The following PARD3 variants were observed in gnomAD, a reference collection of about 807,000 sequenced individuals.
PARD3 encodes the protein partitioning defective 3 homolog.
PARD3 carries 75 observed loss-of-function variants against 155.4 expected under a neutral mutation model. The ratio of observed to expected loss-of-function variants is 0.48; its 90% confidence interval spans 0.40 to 0.58. The LOEUF (loss-of-function observed/expected upper bound fraction) is 0.58, where lower values mean the gene tolerates loss of function less well. PARD3 is among the 20% of genes least tolerant of loss of function. The probability of loss-of-function intolerance (pLI) is 0.00; values close to 1 mark genes in which losing one functional copy is unlikely to be tolerated. For missense variants in PARD3, 1,642 were observed against 1,721.7 expected, an observed-to-expected ratio of 0.95 and a Z score of 0.82; for synonymous variants, 576 against 610.5, an observed-to-expected ratio of 0.94 and a Z score of 0.83.
chr10:34,409,236 A>G (rs986996884), intron 5 of PARD3, among the ~76,000 whole-genome samples: 1 of 152,212 alleles, frequency 6.6e-6, no homozygotes, highest in African/African-American at 2.4e-5. Flanking sequence ...TATGAAAGCT[A>G]TCTAACCACA....
intron 2 of PARD3, among the ~76,000 whole-genome samples, chr10:34,556,629 G>A (rs1589999213): frequency 6.6e-6 from 1 of 152,194 alleles, no homozygotes; most frequent in Admixed American, 6.5e-5. Flanking sequence ...TGATCCGCCC[G>A]CCTCAGCCTC....
At chr10:34,232,161 T>C (rs1201971762) in intron 22 of PARD3, among the ~76,000 whole-genome samples, 1 of 152,156 alleles carries the variant, frequency 6.6e-6, no homozygotes, top group African/African-American at 2.4e-5. Context: ...ATACCACGTC[T>C]TATAGGTATT....
intron 2 of PARD3, among the ~76,000 whole-genome samples, chr10:34,555,697 A>G (rs1468333235): frequency 2.6e-5 from 4 of 152,196 alleles, no homozygotes; most frequent in Non-Finnish European, 4.4e-5. Flanking sequence ...CTTATAAGGT[A>G]CCAGTTTATC....
chr10:34,795,156 T>C (rs1406410206), intron 1 of PARD3, among the ~76,000 whole-genome samples: 1 of 152,226 alleles, frequency 6.6e-6, no homozygotes, highest in Non-Finnish European at 1.5e-5. Flanking sequence ...TCCGGAAGCC[T>C]CTATGCTGGA....
chr10:34,757,772 G>C (rs1354553448), intron 1 of PARD3, among the ~76,000 whole-genome samples: 1 of 152,092 alleles, frequency 6.6e-6, no homozygotes, highest in Non-Finnish European at 1.5e-5. Context: ...TGCCAACTAG[G>C]ACCATGCCCA....
chr10:34,203,735 A>C (rs2133355079), intron 22 of PARD3, among the ~76,000 whole-genome samples: 1 of 152,356 alleles, frequency 6.6e-6, no homozygotes, highest in South Asian at 2.1e-4. Context: ...CCATCGATGC[A>C]GAACCCATGA....
At chr10:34,315,726 T>G (rs2134119762) in intron 20 of PARD3, among the ~76,000 whole-genome samples, 1 of 152,314 alleles carries the variant, frequency 6.6e-6, no homozygotes, top group Non-Finnish European at 1.5e-5. Flanking sequence ...TTAGAGCAAT[T>G]TCTTCCTATA....
intron 2 of PARD3, among the ~76,000 whole-genome samples, chr10:34,528,706 ATATAGACTT>A (rs1390002340): frequency 6.6e-6 from 1 of 152,220 alleles, no homozygotes; most frequent in African/African-American, 2.4e-5. Flanking sequence ...AAGTTAAGCC[ATATAGACTT>A]TATCCTGAAA....
intron 2 of PARD3, among the ~76,000 whole-genome samples, chr10:34,604,606 GAT>G (rs1044430589): frequency 1.4e-5 from 2 of 147,410 alleles, no homozygotes; most frequent in African/African-American, 4.9e-5. Context: ...TATATATAAA[GAT>G]ATATATGATA....
At chr10:34,713,572 C>G (rs911595306) in intron 1 of PARD3, among the ~76,000 whole-genome samples, 17 of 152,110 alleles carry the variant, frequency 1.1e-4, no homozygotes, top group African/African-American at 4.1e-4. Flanking sequence ...CCAGCCTGGG[C>G]AACACAGCAA....
intron 1 of PARD3, among the ~76,000 whole-genome samples, chr10:34,782,134 G>A (rs1840308404): frequency 6.6e-6 from 1 of 152,080 alleles, no homozygotes; most frequent in Non-Finnish European, 1.5e-5. Context: ...ATCCTAACTG[G>A]CTTCTAGACC....
rs1008185201 is a variant in PARD3 at position 34,452,526 on chromosome 10, C to T, written c.583-2078G>A. Among the ~76,000 whole-genome samples, 3 of 152,172 alleles carry T rather than the reference C, an allele frequency of 2.0e-5. No homozygotes were observed. The East Asian group carries it at 5.8e-4, about 29-fold the overall frequency. ...AGATCTACTTTTGAAATGAAGAGCTCAGGCTCCACACAACTCTCACCTTTT... is the reference window on the plus strand; with the variant it reads ...AGATCTACTTTTGAAATGAAGAGCTTAGGCTCCACACAACTCTCACCTTTT... On this transcript the variant is annotated intron_variant, in intron 4 of 24. Coordinates refer to ENST00000374788, the MANE Select transcript of PARD3 (RefSeq NM_001184785.2).
At chr10:34,563,460 G>A (rs181103625) in intron 2 of PARD3, among the ~76,000 whole-genome samples, 3 of 152,102 alleles carry the variant, frequency 2.0e-5, no homozygotes, top group Middle Eastern at 3.4e-3. Flanking sequence ...TCCACCTCCC[G>A]GGTTCAAGCG....
At chr10:34,149,236 A>T (rs1948667937) in intron 22 of PARD3, among the ~76,000 whole-genome samples, 1 of 152,144 alleles carries the variant, frequency 6.6e-6, no homozygotes, top group Non-Finnish European at 1.5e-5. Context: ...TTGCAGTTTT[A>T]GGTAGAAATC....
At chr10:34,540,909 T>C (rs2083563341) in intron 2 of PARD3, among the ~76,000 whole-genome samples, 1 of 152,204 alleles carries the variant, frequency 6.6e-6, no homozygotes, top group African/African-American at 2.4e-5. Context: ...GATTTTACAA[T>C]GAAGTTTTAG....
intron 15 of PARD3, chr10:34,346,355 C>T (rs892370516): frequency 3.1e-6 from 4 of 1,282,368 alleles, no homozygotes; most frequent in Admixed American, 5.4e-5. Flanking sequence ...TTTAGTTTTT[C>T]GCCTTCCTCT....
At chr10:34,320,207 A>G (rs1958290599) in intron 19 of PARD3, among the ~76,000 whole-genome samples, 1 of 152,196 alleles carries the variant, frequency 6.6e-6, no homozygotes, top group African/African-American at 2.4e-5. Flanking sequence ...CCATTCCTCT[A>G]GCTTTAGAAA....
chr10:34,345,192 T>C, intron 15 of PARD3: 2 of 985,076 alleles, frequency 2.0e-6, no homozygotes, highest in Non-Finnish European at 2.4e-6. Context: ...CAGGACTTAG[T>C]TCCTCATCTG....
At chr10:34,342,988 T>C (rs186226448) in intron 15 of PARD3, among the ~76,000 whole-genome samples, 1 of 152,292 alleles carries the variant, frequency 6.6e-6, no homozygotes, top group Admixed American at 6.5e-5. Context: ...ATGTAATACT[T>C]AGCCATTTCC....
Sources: gnomAD v4.1 joint callset for allele counts (sites outside exome capture counted in the v4.1 genomes callset) on GRCh38, gnomAD v4.1.1 for gene constraint, MANE v1.5 for transcripts, NCBI Gene and HGNC (gene_info 2026-07-23, HGNC 2026-07-21) for gene names.